HOMER1: variants seen among roughly 807,000 people sequenced by gnomAD.
HOMER1 encodes the protein homer scaffold protein 1.
Under a neutral mutation model 48.9 loss-of-function variants are expected in HOMER1, and 3 were observed. The observed-to-expected ratio is 0.06, with a 90% CI of 0.03 to 0.16. HOMER1 has a LOEUF of 0.16. Ranked by LOEUF, HOMER1 falls within the 10% of genes least tolerant of loss-of-function variation. The pLI, the probability that HOMER1 is intolerant of heterozygous loss-of-function variation, is 1.00. For missense variants in HOMER1, 247 were observed against 411.4 expected (o/e 0.60, Z 3.46); for synonymous variants, 134 against 146.4 (o/e 0.92, Z 0.61).
intron 5 of HOMER1, among the ~76,000 whole-genome samples, chr5:79,426,747 A>T (rs1580443376): frequency 6.6e-6 from 1 of 152,212 alleles, no homozygotes; most frequent in Middle Eastern, 3.4e-3. Context: ...AGGCAACTAT[A>T]GTTAACAATA....
At chr5:79,424,908 A>T (rs1750198408) in intron 5 of HOMER1, among the ~76,000 whole-genome samples, 1 of 152,070 alleles carries the variant, frequency 6.6e-6, no homozygotes, top group South Asian at 2.1e-4. Flanking sequence ...TGCCAAAGAA[A>T]CAAAACACGG....
chr5:79,480,759 C>G (rs1751923674), intron 1 of HOMER1, among the ~76,000 whole-genome samples: 1 of 152,164 alleles, frequency 6.6e-6, no homozygotes, highest in Non-Finnish European at 1.5e-5. Context: ...AAGTATGAAA[C>G]ATGGTCTCAT....
At chr5:79,471,388 T>C (rs1159368211) in intron 1 of HOMER1, among the ~76,000 whole-genome samples, 1 of 151,254 alleles carries the variant, frequency 6.6e-6, no homozygotes, top group Non-Finnish European at 1.5e-5. Context: ...CTACTAAAAA[T>C]ACAAAAAATT....
intron 5 of HOMER1, among the ~76,000 whole-genome samples, chr5:79,412,532 G>A (rs1350172873): frequency 1.3e-5 from 2 of 152,176 alleles, no homozygotes; most frequent in African/African-American, 2.4e-5. Flanking sequence ...AATGTGTAGT[G>A]CACACATGGG....
At chr5:79,435,602 C>T (rs757994033) in intron 5 of HOMER1, among the ~76,000 whole-genome samples, 10 of 152,164 alleles carry the variant, frequency 6.6e-5, no homozygotes, top group African/African-American at 1.2e-4. Context: ...GAGGCTGAGG[C>T]GGGTGGATCA....
At chr5:79,492,365 A>C (rs556098193) in intron 1 of HOMER1, among the ~76,000 whole-genome samples, 2 of 152,332 alleles carry the variant, frequency 1.3e-5, no homozygotes, top group South Asian at 4.1e-4. Context: ...TTTATCAAGA[A>C]TAAGGAAGAT....
At chr5:79,454,359 T>G (rs1241914179) in intron 2 of HOMER1, among the ~76,000 whole-genome samples, 1 of 152,152 alleles carries the variant, frequency 6.6e-6, no homozygotes, top group African/African-American at 2.4e-5. Context: ...CTGTTACCTC[T>G]GTTAACCCTC....
chr5:79,427,727 TTC>T (rs1561359735), intron 5 of HOMER1, among the ~76,000 whole-genome samples: 1 of 126,378 alleles, frequency 7.9e-6, no homozygotes, highest in Non-Finnish European at 1.6e-5. Flanking sequence ...CCTTCCTTCC[TTC>T]CCTTCCTTCC....
At chr5:79,398,432 G>A (rs1221147145) in intron 6 of HOMER1, among the ~76,000 whole-genome samples, 1 of 151,832 alleles carries the variant, frequency 6.6e-6, no homozygotes, top group Non-Finnish European at 1.5e-5. Flanking sequence ...AAGAAACAGA[G>A]TAAATCCCTC....
intron 3 of HOMER1, 139 bp from the exon 4 acceptor site, chr5:79,447,284 A>T: frequency 1.7e-6 from 1 of 602,854 alleles, no homozygotes; most frequent in Non-Finnish European, 2.9e-6. Context: ...ATAGCTTCTA[A>T]TATGAAAATG....
intron 8 of HOMER1, among the ~76,000 whole-genome samples, chr5:79,392,702 T>C (rs1044597447): frequency 3.9e-5 from 6 of 152,194 alleles, no homozygotes; most frequent in African/African-American, 1.4e-4. Flanking sequence ...TGGTAATATC[T>C]TAGGTCTTCA....
chr5:79,497,729 T>G (rs910178733), intron 1 of HOMER1, among the ~76,000 whole-genome samples: 2 of 151,680 alleles, frequency 1.3e-5, no homozygotes, highest in South Asian at 4.2e-4. Flanking sequence ...TTCTAGTTTT[T>G]GCAACTTCAA....
At chr5:79,450,309 T>C (rs1750996116) in intron 3 of HOMER1, among the ~76,000 whole-genome samples, 1 of 152,228 alleles carries the variant, frequency 6.6e-6, no homozygotes, top group South Asian at 2.1e-4. Context: ...TGTTTTTTCT[T>C]ATATATTCTT....
At chr5:79,471,551 G>GA (rs55724615) in intron 1 of HOMER1, among the ~76,000 whole-genome samples, 14 of 97,674 alleles carry the variant, frequency 1.4e-4, no homozygotes, top group East Asian at 2.9e-4. Context: ...CCATCTCAAA[G>GA]AAAAAAAAAA....
chr5:79,483,647 G>T (rs1163763371), intron 1 of HOMER1, among the ~76,000 whole-genome samples: 1 of 151,748 alleles, frequency 6.6e-6, no homozygotes, highest in Non-Finnish European at 1.5e-5. Context: ...ATAGATATCT[G>T]GATCTACTCA....
At chr5:79,410,865 T>C (rs920184031) in intron 5 of HOMER1, among the ~76,000 whole-genome samples, 8 of 152,066 alleles carry the variant, frequency 5.3e-5, no homozygotes, top group African/African-American at 1.2e-4. Flanking sequence ...GTTGGGGAGG[T>C]TCTCTGTTAA....
chr5:79,388,367 C>A (rs1388397361), intron 8 of HOMER1, among the ~76,000 whole-genome samples: 2 of 152,120 alleles, frequency 1.3e-5, no homozygotes, highest in Non-Finnish European at 2.9e-5. Flanking sequence ...TTTGAACTAA[C>A]AATTTATAAA....
chr5:79,478,463 C>G (rs905678594), intron 1 of HOMER1, among the ~76,000 whole-genome samples: 1 of 151,600 alleles, frequency 6.6e-6, no homozygotes. Context: ...CCGAGGCGGG[C>G]GGATTGCCTG....
In HOMER1 at chr5:79,442,084, C is replaced by T. The variant is rs1750753442; in HGVS notation, c.388-2935G>A. ...CTTTTCTATTGACTTTATATCCTTG[C>T]TTTGAGAAAATAAAACCACTTACAT... On this transcript the variant is annotated intron_variant, in intron 4 of 8. Transcript: ENST00000334082. Among the ~76,000 whole-genome samples the T allele has an allele frequency of 3.3e-5, 5 of 151,874 alleles. No individual in the cohort carries two copies. In the South Asian group the frequency reaches 1.0e-3, roughly 32 times the overall value.
Sources: gnomAD v4.1 joint callset for allele counts (sites outside exome capture counted in the v4.1 genomes callset) on GRCh38, gnomAD v4.1.1 for gene constraint, MANE v1.5 for transcripts, NCBI Gene and HGNC (gene_info 2026-07-23, HGNC 2026-07-21) for gene names.